Variants in MDH1B observed in about 807,000 individuals in gnomAD.
MDH1B encodes putative malate dehydrogenase 1B.
A neutral mutation model predicts 61.4 loss-of-function variants in MDH1B; 60 were observed. The ratio of observed to expected loss-of-function variants is 0.98; its 90% confidence interval spans 0.79 to 1.21. The LOEUF is 1.21. Among genes scored for constraint, MDH1B ranks in the 50% most tolerant of loss-of-function variants. The pLI is 0.00. For synonymous variants in MDH1B, 236 were observed against 218.7 expected (o/e 1.08, Z -0.70); for missense variants, 587 against 632.1 (o/e 0.93, Z 0.76).
chr2:206,765,301 C>T lies in MDH1B; in HGVS notation c.-30G>A. ...GAGAGAGACTCAGAGGCAGGGACCGCGGCTTCGCGGTTTCCTGGCAACCAC... is the reference window on the plus strand; with the variant it reads ...GAGAGAGACTCAGAGGCAGGGACCGTGGCTTCGCGGTTTCCTGGCAACCAC... On this transcript the variant is annotated 5_prime_UTR_variant, in exon 1 of 12. Coordinates refer to ENST00000374412, the MANE Select transcript of MDH1B (RefSeq NM_001039845.3). 1 of 1,578,220 alleles carries T rather than the reference C, an allele frequency of 6.3e-7. No individual in the cohort carries two copies. The highest frequency in any genetic ancestry group is 8.6e-7 in the Non-Finnish European group (1 of 1,167,238).
At chr2:206,757,659 G>A (rs568734142) in intron 2 of MDH1B, among the ~76,000 whole-genome samples, 56 of 152,174 alleles carry the variant, frequency 3.7e-4, no homozygotes, top group African/African-American at 1.3e-3. Context: ...TTAGCTTAAA[G>A]AGAGGTCACA....
chr2:206,757,152 G>C (rs1688810598), intron 3 of MDH1B, 85 bp downstream of exon 3: 8 of 1,499,944 alleles, frequency 5.3e-6, no homozygotes, highest in Non-Finnish European at 7.3e-6. Context: ...AGACATGAGA[G>C]AATGTCTCAG....
Position 206,746,362 on chromosome 2 carries a change from C to T in MDH1B, c.1281G>A (p.Trp427Ter). The change falls in exon 8 of 12, where the codon TGG (tryptophan) becomes TGA (stop). Residue 427 changes from tryptophan (W) to a stop codon, truncating the protein, a stop_gained. Coordinates refer to ENST00000374412, the MANE Select transcript of MDH1B (RefSeq NM_001039845.3). LOFTEE classifies it high-confidence loss of function. ...SMPVKFENGT[W>*]VVLTDLKDVE... ...CATCTTTGAGATCTGTAAGAACCAC[C>T]CAAGTTCCATTCTCAAATTTCACAG... 1 of 1,613,822 alleles carries T rather than the reference C, an allele frequency of 6.2e-7. No homozygotes were observed. The highest frequency in any genetic ancestry group is 8.5e-7 in the Non-Finnish European group (1 of 1,179,900).
chr2:206,752,172 C>G (rs1688486661), intron 5 of MDH1B, among the ~76,000 whole-genome samples: 1 of 152,194 alleles, frequency 6.6e-6, no homozygotes, highest in African/African-American at 2.4e-5. Flanking sequence ...ATTACCCTAA[C>G]ACAGTTGTGT....
At chr2:206,757,418 G>T (rs756924116) in intron 2 of MDH1B, 47 bp from the exon 3 acceptor site, 3 of 1,583,002 alleles carry the variant, frequency 1.9e-6, no homozygotes, top group South Asian at 2.3e-5. Context: ...ATCTGCCTGA[G>T]AATTCAATTT....
In MDH1B at chr2:206,756,977, G is replaced by C. The variant is rs546481456; in HGVS notation, c.334C>G (p.Leu112Val). The change falls in exon 4 of 12, where the codon CTG becomes GTG. Residue 112 changes from leucine (L) to valine (V), a missense_variant. Leu to Val is a conservative substitution (Grantham distance 32, BLOSUM62 1). Transcript: ENST00000374412. ...TGCTCTTTTTCTATATGTGCCCCCA[G>C]GTTCTCTTGAGCAATTACCATCATC... is the stretch of plus-strand genomic sequence containing the variant. ...ELMMVIAQENLGAHIEKEQEE... is the reference protein window; with the variant it reads ...ELMMVIAQENVGAHIEKEQEE... 6.2e-7 allele frequency: 1 copy of C among 1,614,006 alleles called. No individual in the cohort carries two copies.
chr2:206,741,626 G>T (rs10932162), intron 9 of MDH1B, among the ~76,000 whole-genome samples: 42,738 of 152,100 alleles, frequency 0.28, 8,068 homozygotes, highest in East Asian at 0.56. Context: ...GGCTCTCCTT[G>T]CTCCTCAAGC....
intron 8 of MDH1B, among the ~76,000 whole-genome samples, chr2:206,745,920 G>A (rs1185181029): frequency 6.6e-6 from 1 of 151,862 alleles, no homozygotes; most frequent in African/African-American, 2.4e-5. Context: ...TTTTAATAGA[G>A]ACAGGGTTTC....
intron 10 of MDH1B, among the ~76,000 whole-genome samples, chr2:206,740,466 G>A (rs1238642138): frequency 1.3e-5 from 2 of 152,128 alleles, no homozygotes; most frequent in East Asian, 1.9e-4. Flanking sequence ...GGAGGAAGAG[G>A]AGGCATTGGT....
Position 206,755,108 on chromosome 2 carries a change from A to G in MDH1B, c.811T>C (p.Tyr271His), listed in dbSNP as rs567901271. The G allele has an allele frequency of 6.2e-7, 1 of 1,614,210 alleles. No homozygotes were observed. Among genetic ancestry groups the G allele is most frequent in the African/African-American group, 1.3e-5 (1 of 75,058 alleles). Residue 271 changes from tyrosine (Y) to histidine (H), a missense_variant, in exon 5 of 12, where the codon TAT becomes CAT. Transcript: ENST00000374412. ...ATGTTGTGTGCAATGCGTGGGGCAT[A>G]TCTCATGAGTAAAACTGTCTTCAGG... ...VNLKTVLLMR[Y>H]APRIAHNIIA... is the part of the protein sequence containing the mutation.
At chr2:206,757,438 G>T (rs931107268) in intron 2 of MDH1B, 67 bp from the exon 3 acceptor site, 2 of 1,507,668 alleles carry the variant, frequency 1.3e-6, no homozygotes, top group Non-Finnish European at 1.8e-6. Flanking sequence ...TCATACTTTA[G>T]AATTCAAACA....
chr2:206,747,691 C>T (rs1395482569), intron 7 of MDH1B, among the ~76,000 whole-genome samples: 1 of 152,118 alleles, frequency 6.6e-6, no homozygotes, highest in Non-Finnish European at 1.5e-5. Flanking sequence ...TAATATTCTC[C>T]GTGATAGGCG....
At position 206,745,687 on chromosome 2, in the gene MDH1B, A is replaced by G; in HGVS notation, c.1357-14T>C. On this transcript the variant is annotated splice_polypyrimidine_tract_variant and intron_variant, in intron 8 of 11. Transcript: ENST00000374412. ...AACAAGTTTCTCCTGTTGAAATTTT[A>G]TAATCACAGAATTAAATGACCACAA... The G allele has an allele frequency of 1.3e-6, 2 of 1,562,688 alleles. No homozygotes were observed. The highest frequency in any genetic ancestry group is 1.1e-5 in the South Asian group (1 of 88,422).
At chr2:206,763,973 A>G (rs1689266748) in intron 1 of MDH1B, among the ~76,000 whole-genome samples, 1 of 151,938 alleles carries the variant, frequency 6.6e-6, no homozygotes, top group African/African-American at 2.4e-5. Flanking sequence ...TTTTCCACTG[A>G]CTTCCCACCA....
intron 9 of MDH1B, among the ~76,000 whole-genome samples, chr2:206,744,176 C>G (rs538346280): frequency 6.6e-6 from 1 of 152,296 alleles, no homozygotes; most frequent in South Asian, 2.1e-4. Context: ...CCCTTCTATC[C>G]GCAGGCATGA....
At position 206,741,303 on chromosome 2, in the gene MDH1B, T is replaced by C. The variant is rs773153023; in HGVS notation, c.1409-199A>G. On this transcript the variant is annotated intron_variant, in intron 9 of 11. Coordinates refer to ENST00000374412, the MANE Select transcript of MDH1B (RefSeq NM_001039845.3). ...AAAAAAATACATGAAATAATACTTA[T>C]CTTTTTCTAATTGTGATGGTTAATA... 3 of 716,106 alleles carry C rather than the reference T, an allele frequency of 4.2e-6. No homozygotes were observed. In the South Asian group the frequency reaches 5.0e-5, roughly 12 times the overall value. The allele number at this position is 716,106 out of a possible 1,614,324, so 44.4% of individuals were successfully genotyped here. A position where few individuals can be genotyped will look rare whatever the true frequency, so the allele number is the denominator to read the frequency against.
At position 206,748,954 on chromosome 2, in the gene MDH1B, A is replaced by T. The variant is rs139457308; in HGVS notation, c.1216+66T>A. 1.3e-3 allele frequency: 1,963 copies of T among 1,455,144 alleles called. 3 individuals carry two copies. The highest frequency in any genetic ancestry group is 1.9e-3 in the Admixed American group (110 of 56,760). The allele number at this position is 1,455,144 out of a possible 1,614,324, so 90.1% of individuals were successfully genotyped here. A position where few individuals can be genotyped will look rare whatever the true frequency, so the allele number is the denominator to read the frequency against. Reference sequence around the variant, plus strand: ...AAGAGCTAGATGGGTGGGGACACAGAATTAGGAGCACGAGTTATAGATAGA... The same window carrying T: ...AAGAGCTAGATGGGTGGGGACACAGTATTAGGAGCACGAGTTATAGATAGA... On this transcript the variant is annotated intron_variant, in intron 7 of 11. Transcript: ENST00000374412.
At chr2:206,759,737 AT>A (rs1688981742) in intron 2 of MDH1B, among the ~76,000 whole-genome samples, 1 of 152,242 alleles carries the variant, frequency 6.6e-6, no homozygotes, top group Non-Finnish European at 1.5e-5. Context: ...GTTAAAGGAC[AT>A]GCTGCCACAC....
intron 5 of MDH1B, among the ~76,000 whole-genome samples, chr2:206,753,822 G>GC (rs1688589340): frequency 6.6e-6 from 1 of 152,120 alleles, no homozygotes; most frequent in Admixed American, 6.6e-5. Context: ...CATGGCACCA[G>GC]CAGACCCACA....
Sources: gnomAD v4.1 joint callset for allele counts (sites outside exome capture counted in the v4.1 genomes callset) on GRCh38, gnomAD v4.1.1 for gene constraint, MANE v1.5 for transcripts, NCBI Gene and HGNC (gene_info 2026-07-23, HGNC 2026-07-21) for gene names.